Variants in NDUFAF2 observed in about 807,000 individuals in gnomAD.
NDUFAF2 encodes NADH dehydrogenase [ubiquinone] 1 alpha subcomplex assembly factor 2.
A neutral mutation model predicts 22.8 loss-of-function variants in NDUFAF2; 13 were observed. The ratio of observed to expected loss-of-function variants is 0.57; its 90% confidence interval spans 0.37 to 0.91. NDUFAF2 has a LOEUF of 0.91. Among genes scored for constraint, NDUFAF2 ranks in the 40% least tolerant of loss-of-function variants. The probability of loss-of-function intolerance (pLI) is 0.01; values close to 1 mark genes in which losing one functional copy is unlikely to be tolerated. For synonymous variants in NDUFAF2, 53 were observed against 64.2 expected (o/e 0.83, Z 0.84); for missense variants, 162 against 195.2 (o/e 0.83, Z 1.01).
At chr5:60,996,371 C>T (rs1472302879) in intron 1 of NDUFAF2, among the ~76,000 whole-genome samples, 1 of 152,160 alleles carries the variant, frequency 6.6e-6, no homozygotes, top group Non-Finnish European at 1.5e-5. Context: ...TGCCTGACAA[C>T]TCTGACCATT....
chr5:61,034,943 T>TGTAA (rs70977819), intron 1 of NDUFAF2, among the ~76,000 whole-genome samples: 1 of 151,548 alleles, frequency 6.6e-6, no homozygotes, highest in Non-Finnish European at 1.5e-5. Flanking sequence ...TGTGTGTGTG[T>TGTAA]AACAAATATG....
At chr5:61,100,779 G>A (rs564153395) in intron 3 of NDUFAF2, among the ~76,000 whole-genome samples, 39 of 152,234 alleles carry the variant, frequency 2.6e-4, no homozygotes, top group African/African-American at 9.1e-4. Flanking sequence ...GAGTTCAACT[G>A]CTTCTTGCTT....
At chr5:61,074,713 T>C (rs1752345122) in intron 2 of NDUFAF2, among the ~76,000 whole-genome samples, 1 of 152,096 alleles carries the variant, frequency 6.6e-6, no homozygotes, top group South Asian at 2.1e-4. Context: ...TGAGCTGAGA[T>C]TGCGCCATTG....
chr5:60,961,463 C>T (rs538081668), intron 1 of NDUFAF2, among the ~76,000 whole-genome samples: 1 of 151,992 alleles, frequency 6.6e-6, no homozygotes, highest in African/African-American at 2.4e-5. Context: ...GGCATGGTGG[C>T]GGGTGCCTGT....
At chr5:61,066,493 T>C (rs922039945) in intron 1 of NDUFAF2, among the ~76,000 whole-genome samples, 1 of 152,024 alleles carries the variant, frequency 6.6e-6, no homozygotes, top group Admixed American at 6.6e-5. Context: ...TACAGAGCTA[T>C]AGTAATCAAA....
chr5:61,129,010 G>A (rs1753073376), intron 3 of NDUFAF2, among the ~76,000 whole-genome samples: 1 of 152,178 alleles, frequency 6.6e-6, no homozygotes, highest in Non-Finnish European at 1.5e-5. Flanking sequence ...CTTCTCAAAA[G>A]AAGACATTTA....
intron 2 of NDUFAF2, among the ~76,000 whole-genome samples, chr5:61,076,370 G>C (rs573408631): frequency 6.6e-6 from 1 of 152,144 alleles, no homozygotes; most frequent in African/African-American, 2.4e-5. Flanking sequence ...CACCGCGCCC[G>C]GCCGTTTTGC....
At chr5:61,057,768 G>C (rs1251373649) in intron 1 of NDUFAF2, among the ~76,000 whole-genome samples, 2 of 152,028 alleles carry the variant, frequency 1.3e-5, no homozygotes, top group Non-Finnish European at 2.9e-5. Context: ...TTGAGCTTGG[G>C]AATCTGGTTC....
At chr5:60,950,724 T>G (rs942026847) in intron 1 of NDUFAF2, among the ~76,000 whole-genome samples, 1 of 151,934 alleles carries the variant, frequency 6.6e-6, no homozygotes, top group African/African-American at 2.4e-5. Flanking sequence ...TAGACTTTAT[T>G]TTTTAGAGCA....
At chr5:61,109,849 G>C (rs979258882) in intron 3 of NDUFAF2, among the ~76,000 whole-genome samples, 1 of 152,130 alleles carries the variant, frequency 6.6e-6, no homozygotes, top group African/African-American at 2.4e-5. Flanking sequence ...GCAGAACTGT[G>C]AGTCAATTAA....
chr5:61,072,137 A>G (rs1345299337), intron 1 of NDUFAF2, among the ~76,000 whole-genome samples: 2 of 152,258 alleles, frequency 1.3e-5, no homozygotes, highest in Non-Finnish European at 2.9e-5. Flanking sequence ...CTTTGAAATT[A>G]TGATAAAAGA....
chr5:61,066,893 C>T (rs891719166), intron 1 of NDUFAF2, among the ~76,000 whole-genome samples: 10 of 151,942 alleles, frequency 6.6e-5, no homozygotes, highest in African/African-American at 1.7e-4. Flanking sequence ...TGATTGTATA[C>T]AGAGACCAGG....
At chr5:61,030,873 T>G (rs937512046) in intron 1 of NDUFAF2, among the ~76,000 whole-genome samples, 1 of 152,164 alleles carries the variant, frequency 6.6e-6, no homozygotes, top group African/African-American at 2.4e-5. Context: ...CTTTTTATTT[T>G]AGATGAGAAC....
At chr5:60,953,480 A>G (rs914827955) in intron 1 of NDUFAF2, among the ~76,000 whole-genome samples, 2 of 152,134 alleles carry the variant, frequency 1.3e-5, no homozygotes, top group African/African-American at 4.8e-5. Context: ...CCTCTACTGG[A>G]TATCTTATTC....
At chr5:61,022,326 T>C (rs1751594391) in intron 1 of NDUFAF2, among the ~76,000 whole-genome samples, 1 of 152,222 alleles carries the variant, frequency 6.6e-6, no homozygotes, top group African/African-American at 2.4e-5. Flanking sequence ...CTCCTTTCTA[T>C]GCTCAGTTTT....
At chr5:61,111,775 C>T (rs961716059) in intron 3 of NDUFAF2, among the ~76,000 whole-genome samples, 4 of 151,818 alleles carry the variant, frequency 2.6e-5, no homozygotes, top group East Asian at 1.9e-4. Flanking sequence ...GGTGCCACCA[C>T]GCCCGGCTAA....
intron 2 of NDUFAF2, among the ~76,000 whole-genome samples, chr5:61,098,478 C>T (rs185170867): frequency 6.6e-6 from 1 of 152,324 alleles, no homozygotes; most frequent in East Asian, 1.9e-4. Context: ...AGCCCATCTG[C>T]CAAGTGTTAG....
intron 1 of NDUFAF2, among the ~76,000 whole-genome samples, chr5:61,063,312 A>C (rs547208546): frequency 2.5e-4 from 38 of 150,722 alleles, no homozygotes; most frequent in Middle Eastern, 3.4e-3. Context: ...AGCCTGGATA[A>C]TATGGCAAGA....
intron 1 of NDUFAF2, among the ~76,000 whole-genome samples, chr5:61,008,069 G>A (rs1003403585): frequency 8.2e-5 from 12 of 147,008 alleles, no homozygotes; most frequent in East Asian, 2.0e-4. Context: ...ACCAAACACC[G>A]CATCTTCTCA....
Sources: allele counts gnomAD v4.1 joint callset (sites outside exome capture counted in the v4.1 genomes callset), GRCh38; gene constraint gnomAD v4.1.1; transcripts MANE v1.5; gene names NCBI Gene and HGNC (gene_info 2026-07-23, HGNC 2026-07-21).